The following CNTN5 variants were observed in gnomAD, a reference collection of about 807,000 sequenced individuals.
CNTN5 encodes contactin-5.
CNTN5 carries 77 observed loss-of-function variants against 129.1 expected under a neutral mutation model. That is an observed-to-expected ratio of 0.60 (90% CI 0.50 to 0.72). The LOEUF is 0.72. Ranked by LOEUF, CNTN5 falls within the 30% of genes least tolerant of loss-of-function variation. The pLI, the probability that CNTN5 is intolerant of heterozygous loss-of-function variation, is 0.00. For synonymous variants in CNTN5, 509 were observed against 465.6 expected, an observed-to-expected ratio of 1.09 and a Z score of -1.20; for missense variants, 1,478 against 1,328.8, an observed-to-expected ratio of 1.11 and a Z score of -1.75.
rs1939327094 is a variant in CNTN5 at position 99,994,580 on chromosome 11, A to G, written c.878-7454A>G. On this transcript the variant is annotated intron_variant, in intron 8 of 24. Transcript: ENST00000524871. ...AGCACTCACAGGGACTCATGCATAT[A>G]AGAGGCTTAGGTTTAATAAGCATCA... Among the ~76,000 whole-genome samples, 4 of 152,160 alleles carry G rather than the reference A, an allele frequency of 2.6e-5. No individual in the cohort carries two copies. In the South Asian group the frequency reaches 8.3e-4, roughly 32 times the overall value.
chr11:99,744,643 C>G (rs1185619343), intron 3 of CNTN5, among the ~76,000 whole-genome samples: 1 of 145,120 alleles, frequency 6.9e-6, no homozygotes, highest in Non-Finnish European at 1.5e-5. Flanking sequence ...TTGGTTGAGC[C>G]CAGGAGGTCT....
chr11:99,073,860 G>A (rs1429762603), intron 1 of CNTN5, among the ~76,000 whole-genome samples: 1 of 152,084 alleles, frequency 6.6e-6, no homozygotes, highest in Non-Finnish European at 1.5e-5. Flanking sequence ...CTTTATAGTA[G>A]AATTATTTAT....
chr11:99,449,687 A>T (rs770233150), intron 2 of CNTN5, among the ~76,000 whole-genome samples: 18 of 152,176 alleles, frequency 1.2e-4, no homozygotes, highest in Non-Finnish European at 1.6e-4. Context: ...GAACTGGTTC[A>T]ACTTGGACAG....
chr11:99,219,491 C>T (rs552841617), intron 1 of CNTN5, among the ~76,000 whole-genome samples: 1 of 151,586 alleles, frequency 6.6e-6, no homozygotes, highest in East Asian at 1.9e-4. Context: ...CATACAGAGG[C>T]CTTAAGTTAG....
Position 99,185,275 on chromosome 11 carries a change from C to T in CNTN5, c.-209-140071C>T, listed in dbSNP as rs564843817. 1.3e-3 allele frequency among the ~76,000 whole-genome samples: 84 copies of T among 64,080 alleles called. No individual in the cohort carries two copies. The East Asian group carries it at 0.018, about 14-fold the overall frequency. The allele number at this position is 64,080 out of a possible 152,430, so 42.0% of individuals were successfully genotyped here. ...TATGAATAGGCTGATTAGGGTGAATCGATAACTAAAGATTTTTTTTATTCA... is the reference window on the plus strand; with the variant it reads ...TATGAATAGGCTGATTAGGGTGAATTGATAACTAAAGATTTTTTTTATTCA... On this transcript the variant is annotated intron_variant, in intron 1 of 24. Coordinates refer to ENST00000524871, the MANE Select transcript of CNTN5 (RefSeq NM_014361.4).
At chr11:99,695,812 T>C (rs551106351) in intron 3 of CNTN5, among the ~76,000 whole-genome samples, 6 of 152,228 alleles carry the variant, frequency 3.9e-5, no homozygotes, top group African/African-American at 1.2e-4. Flanking sequence ...ACTAATTTTC[T>C]ATAACCTTAT....
At position 100,308,484 on chromosome 11, in the gene CNTN5, T is replaced by A. The variant is rs200693361; in HGVS notation, c.2730+16T>A. Reference sequence around the variant, plus strand: ...GGGATTTGAGGTATGAACAGAATGATTGAAAATAAGCCTTATTGTTTCTTC... The same window carrying A: ...GGGATTTGAGGTATGAACAGAATGAATGAAAATAAGCCTTATTGTTTCTTC... On this transcript the variant is annotated intron_variant, in intron 21 of 24. Transcript: ENST00000524871. The A allele has an allele frequency of 3.7e-6, 6 of 1,605,584 alleles. No individual in the cohort carries two copies. The highest frequency in any genetic ancestry group is 3.3e-4 in the Middle Eastern group (2 of 6,012).
At chr11:99,323,391 GAGGA>G (rs1160311046) in intron 1 of CNTN5, among the ~76,000 whole-genome samples, 1 of 152,096 alleles carries the variant, frequency 6.6e-6, no homozygotes, top group Non-Finnish European at 1.5e-5. Context: ...CTTGAAACTT[GAGGA>G]AGGAATTGGA....
chr11:99,775,230 T>G (rs1003209238), intron 3 of CNTN5, among the ~76,000 whole-genome samples: 1 of 152,138 alleles, frequency 6.6e-6, no homozygotes, highest in Non-Finnish European at 1.5e-5. Context: ...CCATTTCCAA[T>G]GACATTGGGA....
At chr11:100,295,072 T>A (rs1171214786) in intron 18 of CNTN5, among the ~76,000 whole-genome samples, 2 of 151,586 alleles carry the variant, frequency 1.3e-5, no homozygotes, top group African/African-American at 4.8e-5. Context: ...GTAAACTTTT[T>A]TTAAAATTTG....
intron 13 of CNTN5, among the ~76,000 whole-genome samples, chr11:100,141,338 C>T (rs1372223917): frequency 6.6e-6 from 1 of 151,966 alleles, no homozygotes; most frequent in Non-Finnish European, 1.5e-5. Flanking sequence ...GACGAGACTG[C>T]TTGTTTTGGA....
At chr11:99,978,106 A>C (rs1157927518) in intron 8 of CNTN5, among the ~76,000 whole-genome samples, 1 of 152,182 alleles carries the variant, frequency 6.6e-6, no homozygotes, top group South Asian at 2.1e-4. Context: ...GGCTAGGCTA[A>C]TTTGTGTGTT....
intron 1 of CNTN5, among the ~76,000 whole-genome samples, chr11:99,237,696 G>A (rs1861350998): frequency 6.6e-6 from 1 of 150,984 alleles, no homozygotes; most frequent in Non-Finnish European, 1.5e-5. Flanking sequence ...AAAAAAAAAA[G>A]GCATTTATAA....
rs530717234 is a variant in CNTN5 at position 100,268,614 on chromosome 11, T to C, written c.2165-2478T>C. ...AGCTATATGGAGGTCATTGGTAACCTTGACAATAGCAGTTTTTATGTAATG... is the reference window on the plus strand; with the variant it reads ...AGCTATATGGAGGTCATTGGTAACCCTGACAATAGCAGTTTTTATGTAATG... On this transcript the variant is annotated intron_variant, in intron 17 of 24. Coordinates refer to ENST00000524871, the MANE Select transcript of CNTN5 (RefSeq NM_014361.4). Among the ~76,000 whole-genome samples, 17 of 152,276 alleles carry C rather than the reference T, an allele frequency of 1.1e-4. No individual in the cohort carries two copies. In the South Asian group the frequency reaches 3.5e-3, roughly 32 times the overall value.
chr11:99,845,742 C>G lies in CNTN5; in HGVS notation c.577+480C>G, dbSNP rs562429072. ...AAATAAACTTGATAAACTAGCCTGA[C>G]AGGTTGAAGTCCTTTTCATGAAAGT... On this transcript the variant is annotated intron_variant, in intron 6 of 24. Transcript: ENST00000524871. 2.9e-3 allele frequency among the ~76,000 whole-genome samples: 442 copies of G among 152,192 alleles called. 4 individuals carry two copies. Among genetic ancestry groups the G allele is most frequent in the Non-Finnish European group, 5.2e-3 (354 of 68,010 alleles).
At chr11:100,083,244 G>A (rs1385696040) in intron 13 of CNTN5, among the ~76,000 whole-genome samples, 1 of 151,292 alleles carries the variant, frequency 6.6e-6, no homozygotes, top group Admixed American at 6.6e-5. Flanking sequence ...TTGAACCCAG[G>A]AGGCAGAGGT....
intron 13 of CNTN5, among the ~76,000 whole-genome samples, chr11:100,119,063 TATACCAGACATTCTTTGA>T (rs1945930005): frequency 1.3e-5 from 2 of 151,492 alleles, no homozygotes; most frequent in Admixed American, 1.3e-4. Context: ...CAAAAAAGAA[TATACCAGACATTCTTTGA>T]ATGTCACTCA....
At chr11:99,578,595 T>C (rs1949450192) in intron 3 of CNTN5, among the ~76,000 whole-genome samples, 1 of 149,802 alleles carries the variant, frequency 6.7e-6, no homozygotes, top group Non-Finnish European at 1.5e-5. Context: ...ATGAGCATTT[T>C]TTCATGTGTT....
At chr11:99,509,237 T>A (rs1048098224) in intron 2 of CNTN5, among the ~76,000 whole-genome samples, 1 of 152,210 alleles carries the variant, frequency 6.6e-6, no homozygotes, top group Non-Finnish European at 1.5e-5. Flanking sequence ...TTCTTTAGGA[T>A]CTTCATTTAA....
Sources: gnomAD v4.1 joint callset for allele counts (sites outside exome capture counted in the v4.1 genomes callset) on GRCh38, gnomAD v4.1.1 for gene constraint, MANE v1.5 for transcripts, NCBI Gene and HGNC (gene_info 2026-07-23, HGNC 2026-07-21) for gene names.